Variants in SMYD3 observed in about 807,000 individuals in gnomAD.
The protein encoded by SMYD3 is histone-lysine N-methyltransferase SMYD3.
SMYD3 carries 36 observed loss-of-function variants against 57.7 expected under a neutral mutation model. The ratio of observed to expected loss-of-function variants is 0.62; its 90% CI spans 0.48 to 0.82. The LOEUF is 0.82. SMYD3 is among the 40% of genes least tolerant of loss of function. SMYD3 has a pLI of 0.00. For synonymous variants in SMYD3, 211 were observed against 195.0 expected (o/e 1.08, Z -0.68); for missense variants, 515 against 538.8 (o/e 0.96, Z 0.44).
In SMYD3 at chr1:246,202,674, T is replaced by A. The variant is rs1454075569; in HGVS notation, c.531+124527A>T. Among the ~76,000 whole-genome samples the A allele has an allele frequency of 6.6e-6, 1 of 152,230 alleles. No homozygotes were observed. Among genetic ancestry groups the A allele is most frequent in the Non-Finnish European group, 1.5e-5 (1 of 68,044 alleles). ...TCTTGACAACAAGGACTTCCTGGTA[T>A]CACGCTAGCTAACAAAATATACTCC... On this transcript the variant is annotated intron_variant, in intron 5 of 11. Transcript: ENST00000490107. The surrounding 1 kb of genome is among the most constrained non-coding windows in gnomAD (Gnocchi z 4.1).
intron 10 of SMYD3, among the ~76,000 whole-genome samples, chr1:245,816,820 G>A (rs905609450): frequency 2.0e-5 from 3 of 152,162 alleles, no homozygotes; most frequent in Admixed American, 6.5e-5. Flanking sequence ...ACTCCCACCC[G>A]AATATTGCGC....
chr1:245,774,764 T>G (rs375256531), intron 10 of SMYD3, among the ~76,000 whole-genome samples: 2 of 111,532 alleles, frequency 1.8e-5, no homozygotes, highest in South Asian at 6.2e-4. Context: ...GAAGCTGGAC[T>G]GTACTGCTGC....
chr1:246,104,904 A>G (rs78706447), intron 5 of SMYD3, among the ~76,000 whole-genome samples: 3,248 of 152,266 alleles, frequency 0.021, 143 homozygotes, highest in East Asian at 0.16. Flanking sequence ...AGAGCAGAGC[A>G]ATGAAAATAT....
At chr1:245,830,935 C>T (rs942188900) in intron 10 of SMYD3, among the ~76,000 whole-genome samples, 5 of 152,062 alleles carry the variant, frequency 3.3e-5, no homozygotes, top group African/African-American at 1.2e-4. Flanking sequence ...TGGTGGGTGG[C>T]CTCTTGCCAG....
intron 5 of SMYD3, among the ~76,000 whole-genome samples, chr1:245,949,385 G>A (rs1388072501): frequency 2.0e-5 from 3 of 152,116 alleles, no homozygotes; most frequent in African/African-American, 7.2e-5. Flanking sequence ...TGCAGCTTCT[G>A]CTAACAACCA....
chr1:245,806,904 G>C (rs1448700132), intron 10 of SMYD3, among the ~76,000 whole-genome samples: 29 of 108,872 alleles, frequency 2.7e-4, no homozygotes, highest in Non-Finnish European at 4.3e-4. Flanking sequence ...GCGACAGAGC[G>C]AGACTCCGTC....
intron 8 of SMYD3, among the ~76,000 whole-genome samples, chr1:245,909,279 A>T (rs1303050607): frequency 6.6e-6 from 1 of 152,128 alleles, no homozygotes; most frequent in African/African-American, 2.4e-5. Context: ...ACGTGAACAG[A>T]ACAATAGCAA....
At chr1:246,289,391 C>T (rs993649739) in intron 5 of SMYD3, among the ~76,000 whole-genome samples, 6 of 152,218 alleles carry the variant, frequency 3.9e-5, no homozygotes, top group South Asian at 4.1e-4. Context: ...TTAGTGCATG[C>T]AGAACGTCAC....
chr1:246,327,196 C>T lies in SMYD3; in HGVS notation c.531+5G>A. The T allele has an allele frequency of 1.2e-6, 2 of 1,613,944 alleles. No homozygotes were observed. Among genetic ancestry groups the T allele is most frequent in the Non-Finnish European group, 1.7e-6 (2 of 1,179,970 alleles). ...GAATTAGCAAAGAGCAAACTTAACA[C>T]TTACTTTTGCAAAGGCTTCAAAAAG... On this transcript the variant is annotated splice_donor_5th_base_variant and intron_variant, in intron 5 of 11. Transcript: ENST00000490107.
intron 1 of SMYD3, 48 bp downstream of exon 1, chr1:246,507,006 A>ACCCCCC: frequency 1.0e-6 from 1 of 989,828 alleles, no homozygotes. Flanking sequence ...CCTCCCCAGC[A>ACCCCCC]CCCCACACAG....
chr1:246,073,496 C>T (rs1405090278), intron 5 of SMYD3, among the ~76,000 whole-genome samples: 8 of 152,014 alleles, frequency 5.3e-5, no homozygotes, highest in African/African-American at 7.3e-5. Context: ...GCGGGCAGAT[C>T]GCTTGAGCCC....
chr1:246,143,455 T>C (rs1478433440), intron 5 of SMYD3, among the ~76,000 whole-genome samples: 5 of 152,172 alleles, frequency 3.3e-5, no homozygotes. Context: ...GGCAGGTGGA[T>C]AGCTTGTTCA....
chr1:245,933,936 A>T (rs1933525), intron 5 of SMYD3, among the ~76,000 whole-genome samples: 1 of 151,956 alleles, frequency 6.6e-6, no homozygotes, highest in Non-Finnish European at 1.5e-5. Context: ...GAACCCAGCC[A>T]CTTCCCAGCC....
chr1:246,275,196 G>T (rs6669551), intron 5 of SMYD3, among the ~76,000 whole-genome samples: 51,284 of 152,074 alleles, frequency 0.34, 9,519 homozygotes, highest in East Asian at 0.72. Flanking sequence ...GCCTTCACAG[G>T]CCAAACCATC....
At chr1:245,984,069 G>A (rs1327463646) in intron 5 of SMYD3, among the ~76,000 whole-genome samples, 1 of 149,412 alleles carries the variant, frequency 6.7e-6, no homozygotes, top group African/African-American at 2.5e-5. Flanking sequence ...GCGCGGTCTC[G>A]GCTCACTGCA....
intron 5 of SMYD3, among the ~76,000 whole-genome samples, chr1:246,299,946 C>T (rs148313077): frequency 3.3e-5 from 5 of 151,574 alleles, no homozygotes; most frequent in Non-Finnish European, 7.4e-5. Flanking sequence ...ATAATCTGTA[C>T]GACAAACCCT....
chr1:246,033,049 A>G (rs1463774154), intron 5 of SMYD3, among the ~76,000 whole-genome samples: 1 of 152,236 alleles, frequency 6.6e-6, no homozygotes, highest in Non-Finnish European at 1.5e-5. Context: ...TGCATTCCTG[A>G]GCATTTATCC....
chr1:245,848,386 C>T (rs755144436), intron 10 of SMYD3, among the ~76,000 whole-genome samples: 1 of 152,056 alleles, frequency 6.6e-6, no homozygotes, highest in Non-Finnish European at 1.5e-5. Flanking sequence ...TCCCAAAGTG[C>T]TAAGGCCTAC....
rs2059094255 is a variant in SMYD3 at position 246,002,606 on chromosome 1, CCA to C, written c.532-72671_532-72670del. Among the ~76,000 whole-genome samples the C allele has an allele frequency of 4.6e-5, 6 of 130,732 alleles. 1 individual carries two copies. Among genetic ancestry groups the C allele is most frequent in the Admixed American group, 1.6e-4 (2 of 12,772 alleles). The allele number at this position is 130,732 out of a possible 152,430, so 85.8% of individuals were successfully genotyped here. Reference sequence around the variant, plus strand: ...GTGCTGGGATTACAGGCGCCCGCCACCACGCCCGGCTAATTTTTTGTATTTTT... The same window carrying C: ...GTGCTGGGATTACAGGCGCCCGCCACCGCCCGGCTAATTTTTTGTATTTTT... On this transcript the variant is annotated intron_variant, in intron 5 of 11. Coordinates refer to ENST00000490107, the MANE Select transcript of SMYD3 (RefSeq NM_001167740.2).
Sources: allele counts gnomAD v4.1 joint callset (sites outside exome capture counted in the v4.1 genomes callset), GRCh38; gene constraint gnomAD v4.1.1; non-coding constraint Gnocchi (gnomAD v3.1); transcripts MANE v1.5; gene names NCBI Gene and HGNC (gene_info 2026-07-23, HGNC 2026-07-21).